The following SLC4A4 variants were observed in gnomAD, a reference collection of about 807,000 sequenced individuals.
SLC4A4 encodes the protein solute carrier family 4 member 4.
SLC4A4 carries 27 observed loss-of-function variants against 111.5 expected under a neutral mutation model. The observed-to-expected ratio is 0.24, with a 90% confidence interval of 0.18 to 0.33. The LOEUF (loss-of-function observed/expected upper bound fraction) is 0.33. Ranked by LOEUF, SLC4A4 falls within the 10% of genes least tolerant of loss-of-function variation. SLC4A4 has a pLI of 1.00. For missense variants in SLC4A4, 909 were observed against 1,315.5 expected (o/e 0.69, Z 4.78); for synonymous variants, 443 against 463.4 (o/e 0.96, Z 0.57).
At chr4:71,270,965 C>T (rs1722663827) in intron 3 of SLC4A4, among the ~76,000 whole-genome samples, 1 of 152,174 alleles carries the variant, frequency 6.6e-6, no homozygotes, top group South Asian at 2.1e-4. Context: ...ACATTTATTT[C>T]CATCCTGCCT....
intron 7 of SLC4A4, among the ~76,000 whole-genome samples, chr4:71,412,384 T>C (rs976100330): frequency 6.6e-6 from 1 of 152,146 alleles, no homozygotes; most frequent in African/African-American, 2.4e-5. Flanking sequence ...TGAGAAAGCT[T>C]GAAGGGTACA....
intron 4 of SLC4A4, among the ~76,000 whole-genome samples, chr4:71,343,937 C>T (rs949314016): frequency 8.6e-5 from 13 of 151,954 alleles, no homozygotes; most frequent in East Asian, 1.9e-4. Context: ...CAGTTATCTG[C>T]GTGGCCCATG....
chr4:71,550,523 T>C (rs141665301), intron 20 of SLC4A4, among the ~76,000 whole-genome samples: 30 of 152,010 alleles, frequency 2.0e-4, no homozygotes, highest in African/African-American at 7.0e-4. Flanking sequence ...TCAGGGGTTA[T>C]GTTGGAGTAG....
intron 3 of SLC4A4, among the ~76,000 whole-genome samples, chr4:71,324,230 G>T (rs1727335580): frequency 6.6e-6 from 1 of 151,908 alleles, no homozygotes; most frequent in South Asian, 2.1e-4. Flanking sequence ...TATCATGGAA[G>T]GTGAAATTCG....
chr4:71,477,337 C>T (rs562013788), intron 14 of SLC4A4, among the ~76,000 whole-genome samples: 23 of 151,716 alleles, frequency 1.5e-4, no homozygotes, highest in Admixed American at 8.5e-4. Flanking sequence ...AAAAGATGCC[C>T]CAGTGAGTTT....
At chr4:71,335,243 T>C (rs890381978) in intron 3 of SLC4A4, among the ~76,000 whole-genome samples, 12 of 152,174 alleles carry the variant, frequency 7.9e-5, no homozygotes, top group African/African-American at 2.9e-4. Flanking sequence ...TTAAAGCTAG[T>C]TCTGATTTAG....
At chr4:71,410,771 A>T (rs1197803487) in intron 7 of SLC4A4, among the ~76,000 whole-genome samples, 1 of 152,162 alleles carries the variant, frequency 6.6e-6, no homozygotes, top group African/African-American at 2.4e-5. Flanking sequence ...TTTTGGAATA[A>T]ATCTGAATTT....
At chr4:71,290,665 T>C (rs1177686882) in intron 3 of SLC4A4, among the ~76,000 whole-genome samples, 2 of 152,230 alleles carry the variant, frequency 1.3e-5, no homozygotes, top group African/African-American at 4.8e-5. Context: ...GTTTTCAATA[T>C]TTCAAGGGAA....
At chr4:71,113,238 A>G (rs1246803400) in intron 2 of SLC4A4, among the ~76,000 whole-genome samples, 3 of 152,214 alleles carry the variant, frequency 2.0e-5, no homozygotes, top group Non-Finnish European at 4.4e-5. Context: ...AGAGATGGTT[A>G]AAGTCTCTCT....
chr4:71,341,220 A>G (rs1728879693), intron 4 of SLC4A4, among the ~76,000 whole-genome samples: 1 of 152,200 alleles, frequency 6.6e-6, no homozygotes. Flanking sequence ...GCAGTGAGCA[A>G]ATGAGGATCT....
At chr4:71,497,375 C>T (rs1730507087) in intron 15 of SLC4A4, 126 bp from the exon 16 acceptor site, 1 of 759,622 alleles carries the variant, frequency 1.3e-6, no homozygotes. Flanking sequence ...GTTTCACCCT[C>T]CAGTGCTTAT....
intron 16 of SLC4A4, among the ~76,000 whole-genome samples, chr4:71,521,559 G>C (rs1056904383): frequency 6.6e-6 from 1 of 152,112 alleles, no homozygotes; most frequent in South Asian, 2.1e-4. Flanking sequence ...GTCATATTTG[G>C]TGTATGAGTC....
chr4:71,088,234 C>CT (rs566407120), intron 1 of SLC4A4, among the ~76,000 whole-genome samples: 5,547 of 145,274 alleles, frequency 0.038, 136 homozygotes, highest in Middle Eastern at 0.05. Context: ...CAATACCTGC[C>CT]TTTTTTTTTT....
At chr4:71,206,771 T>C (rs1036068208) in intron 1 of SLC4A4, among the ~76,000 whole-genome samples, 1 of 151,876 alleles carries the variant, frequency 6.6e-6, no homozygotes, top group African/African-American at 2.4e-5. Flanking sequence ...TTGGAACCAT[T>C]TCACTGATGA....
intron 12 of SLC4A4, among the ~76,000 whole-genome samples, chr4:71,463,879 C>T (rs1727071230): frequency 6.6e-6 from 1 of 152,158 alleles, no homozygotes; most frequent in Non-Finnish European, 1.5e-5. Flanking sequence ...TATGTCAAAT[C>T]AAGTAGAGAA....
At chr4:71,373,957 A>G (rs1732114194) in intron 6 of SLC4A4, among the ~76,000 whole-genome samples, 1 of 152,198 alleles carries the variant, frequency 6.6e-6, no homozygotes, top group Non-Finnish European at 1.5e-5. Context: ...TGCTGGGTTT[A>G]CAGAAGCATG....
intron 7 of SLC4A4, among the ~76,000 whole-genome samples, chr4:71,411,225 G>A (rs1721333303): frequency 6.6e-6 from 1 of 152,070 alleles, no homozygotes; most frequent in African/African-American, 2.4e-5. Flanking sequence ...TCACTAACAT[G>A]GCAGTCTCCC....
chr4:71,311,350 G>A (rs1208903779), intron 3 of SLC4A4, among the ~76,000 whole-genome samples: 1 of 152,106 alleles, frequency 6.6e-6, no homozygotes, highest in Non-Finnish European at 1.5e-5. Flanking sequence ...AGACCTAATA[G>A]ACATCTACAA....
intron 12 of SLC4A4, among the ~76,000 whole-genome samples, chr4:71,455,664 C>G (rs1726181496): frequency 6.6e-6 from 1 of 152,126 alleles, no homozygotes; most frequent in South Asian, 2.1e-4. Context: ...TTGTGTTGTG[C>G]AGATAATTTT....
Sources: allele counts gnomAD v4.1 joint callset (sites outside exome capture counted in the v4.1 genomes callset), GRCh38; gene constraint gnomAD v4.1.1; transcripts MANE v1.5; gene names NCBI Gene and HGNC (gene_info 2026-07-23, HGNC 2026-07-21).